Variants in STIM1 observed in about 807,000 individuals in gnomAD.
STIM1 encodes the protein stromal interaction molecule 1.
STIM1 carries 25 observed loss-of-function variants against 74.7 expected under a neutral mutation model. The ratio of observed to expected loss-of-function variants is 0.33; its 90% CI spans 0.24 to 0.47. The LOEUF is 0.47. STIM1 is among the 20% of genes least tolerant of loss of function. The probability of loss-of-function intolerance (pLI) is 1.00; values close to 1 mark genes in which losing one functional copy is unlikely to be tolerated. For synonymous variants in STIM1, 328 were observed against 348.8 expected, an observed-to-expected ratio of 0.94 and a Z score of 0.66; for missense variants, 728 against 920.8, an observed-to-expected ratio of 0.79 and a Z score of 2.71.
intron 1 of STIM1, among the ~76,000 whole-genome samples, chr11:3,919,331 G>A (rs577702732): frequency 1.3e-5 from 2 of 152,038 alleles, no homozygotes; most frequent in African/African-American, 4.8e-5. Context: ...TCAGCCTCCC[G>A]AGTAGCTGGG....
At chr11:4,077,345 T>C (rs2094442941) in intron 7 of STIM1, among the ~76,000 whole-genome samples, 1 of 152,002 alleles carries the variant, frequency 6.6e-6, no homozygotes, top group South Asian at 2.1e-4. Flanking sequence ...CAATTTAATA[T>C]ATAACAGCCC....
At chr11:3,945,938 G>T (rs945048644) in intron 1 of STIM1, among the ~76,000 whole-genome samples, 1 of 152,162 alleles carries the variant, frequency 6.6e-6, no homozygotes, top group African/African-American at 2.4e-5. Context: ...GCAAGATAGA[G>T]AGTGGGTGGG....
In STIM1 at chr11:4,083,326, G is replaced by A. The variant is rs116837894; in HGVS notation, c.1302G>A (p.Glu434=). The change falls in exon 10 of 13, where the codon GAG becomes GAA. Residue 434 remains glutamate (E), a synonymous_variant. Transcript: ENST00000526596. ...RERLHRWQQI[E]ILCGFQIVNN... is the part of the protein sequence containing the mutation. ...GCCTGCACCGCTGGCAACAGATCGAGATCCTCTGTGGCTTCCAGATTGTCA... is the reference window on the plus strand; with the variant it reads ...GCCTGCACCGCTGGCAACAGATCGAAATCCTCTGTGGCTTCCAGATTGTCA... 1,179 of 1,614,258 alleles carry A rather than the reference G, an allele frequency of 7.3e-4. 8 individuals are homozygous for A. The African/African-American group carries it at 0.014, about 19-fold the overall frequency.
intron 2 of STIM1, among the ~76,000 whole-genome samples, chr11:4,017,149 T>G (rs372859549): frequency 1.3e-5 from 2 of 152,250 alleles, no homozygotes; most frequent in African/African-American, 4.8e-5. Flanking sequence ...ACCCGTCTTC[T>G]GCATTGATCT....
chr11:4,049,078 A>C (rs1313490940), intron 3 of STIM1, among the ~76,000 whole-genome samples: 1 of 152,220 alleles, frequency 6.6e-6, no homozygotes, highest in African/African-American at 2.4e-5. Flanking sequence ...ATTCATTAAA[A>C]ACATCACATT....
intron 2 of STIM1, among the ~76,000 whole-genome samples, chr11:3,984,231 A>G (rs924495702): frequency 6.6e-6 from 1 of 152,120 alleles, no homozygotes; most frequent in African/African-American, 2.4e-5. Flanking sequence ...TCTGGTATAT[A>G]TATTTTTTGC....
At chr11:3,893,006 G>A (rs2091945630) in intron 1 of STIM1, 1 of 641,268 alleles carries the variant, frequency 1.6e-6, no homozygotes, top group Non-Finnish European at 2.7e-6. Flanking sequence ...CTGAGCTCAA[G>A]CAATCCACCC....
At chr11:4,015,040 C>T (rs1421418949) in intron 2 of STIM1, among the ~76,000 whole-genome samples, 1 of 152,120 alleles carries the variant, frequency 6.6e-6, no homozygotes, top group Non-Finnish European at 1.5e-5. Flanking sequence ...GGGCATTTAG[C>T]CCATTTACAT....
At chr11:4,089,719 C>G (rs1253802153) in intron 12 of STIM1, among the ~76,000 whole-genome samples, 4 of 152,204 alleles carry the variant, frequency 2.6e-5, no homozygotes, top group Non-Finnish European at 5.9e-5. Context: ...TATGAGCCAA[C>G]CCCCTGCTTT....
rs761641457 is a variant in STIM1 at position 4,086,490 on chromosome 11, G to A, written c.1581G>A (p.Gln527=). The A allele has an allele frequency of 1.2e-6, 2 of 1,614,150 alleles. No homozygotes were observed. The highest frequency in any genetic ancestry group is 1.7e-6 in the Non-Finnish European group (2 of 1,180,032). Residue 527 remains glutamine (Q), a synonymous_variant, in exon 12 of 13, where the codon CAG becomes CAA. Coordinates refer to ENST00000526596, the MANE Select transcript of STIM1 (RefSeq NM_001382567.1). The part of the protein sequence containing the change: ...SLWKYPAPSL[Q]SSVRQRLTEP... ...TTCTCCTTGCAGCCCCTAGCCTGCA[G>A]AGCAGTGTTCGGCAGCGCCTGACGG...
chr11:3,892,989 T>C, intron 1 of STIM1: 1 of 714,694 alleles, frequency 1.4e-6, no homozygotes, highest in Non-Finnish European at 2.3e-6. Context: ...AGGCTGGTCT[T>C]GAACTCCTGA....
chr11:4,018,725 G>C (rs1254244537), intron 2 of STIM1, among the ~76,000 whole-genome samples: 5 of 151,250 alleles, frequency 3.3e-5, no homozygotes, highest in Admixed American at 3.3e-4. Flanking sequence ...ATCTCCTGCT[G>C]GTTACCACCT....
chr11:3,870,766 G>T (rs1361517124), intron 1 of STIM1, among the ~76,000 whole-genome samples: 1 of 151,980 alleles, frequency 6.6e-6, no homozygotes, highest in African/African-American at 2.4e-5. Flanking sequence ...CCAAAGTGCT[G>T]GGATTATAGG....
chr11:3,856,276 T>C lies in STIM1; in HGVS notation c.6T>C (p.Asp2=), dbSNP rs1211756002. 1 of 1,614,126 alleles carries C rather than the reference T, an allele frequency of 6.2e-7. No homozygotes were observed. Among genetic ancestry groups the C allele is most frequent in the Middle Eastern group, 1.6e-4 (1 of 6,062 alleles). The change falls in exon 1 of 13, where the codon GAT becomes GAC. Residue 2 remains aspartate (D), a synonymous_variant. Transcript: ENST00000526596. M[D]VCVRLALWLL... is the part of the protein sequence containing the mutation. ...GTTGACTGAGACCTAGAGTCATGGA[T>C]GTATGCGTCCGTCTTGCCCTGTGGC...
At chr11:4,057,221 C>T (rs1393011856) in intron 4 of STIM1, among the ~76,000 whole-genome samples, 2 of 152,174 alleles carry the variant, frequency 1.3e-5, no homozygotes, top group African/African-American at 4.8e-5. Context: ...GGACCATTTT[C>T]CTCATGGGAA....
intron 1 of STIM1, among the ~76,000 whole-genome samples, chr11:3,896,084 T>G (rs1033185792): frequency 2.6e-5 from 4 of 151,840 alleles, no homozygotes; most frequent in Non-Finnish European, 1.5e-5. Flanking sequence ...TTTTGTATTT[T>G]TAGTAGAGAC....
chr11:4,049,840 T>C (rs769109589), intron 3 of STIM1, among the ~76,000 whole-genome samples: 18 of 151,386 alleles, frequency 1.2e-4, no homozygotes, highest in Non-Finnish European at 2.1e-4. Flanking sequence ...CTGGGTAACT[T>C]TGGGAAAGTT....
chr11:4,008,057 GT>G (rs747315360), intron 2 of STIM1, among the ~76,000 whole-genome samples: 17 of 151,848 alleles, frequency 1.1e-4, no homozygotes, highest in Non-Finnish European at 2.1e-4. Flanking sequence ...TTTATATATA[GT>G]CATAGGCCAC....
Position 4,082,960 on chromosome 11 carries a change from G to A in STIM1, c.1216G>A (p.Asp406Asn). ...CCACAGCTCTTCCCTGGATGATGTA[G>A]ATCATAAAATTCTAACAGCTAAGTA... ...VAHSSSLDDV[D>N]HKILTAKQAL... The change falls in exon 9 of 13, where the codon GAT becomes AAT. Residue 406 changes from aspartate (D) to asparagine (N), a missense_variant. Transcript: ENST00000526596. 1 of 1,614,060 alleles carries A rather than the reference G, an allele frequency of 6.2e-7. No individual in the cohort carries two copies. The highest frequency in any genetic ancestry group is 8.5e-7 in the Non-Finnish European group (1 of 1,179,938).
Sources: gnomAD v4.1 joint callset for allele counts (sites outside exome capture counted in the v4.1 genomes callset) on GRCh38, gnomAD v4.1.1 for gene constraint, MANE v1.5 for transcripts, NCBI Gene and HGNC (gene_info 2026-07-23, HGNC 2026-07-21) for gene names.